The following F11 variants were observed in gnomAD, a reference collection of about 807,000 sequenced individuals.
F11 encodes the protein coagualtion factor XI.
F11 carries 78 observed loss-of-function variants against 76.5 expected under a neutral mutation model. That is an observed-to-expected ratio of 1.02 (90% CI 0.85 to 1.23). The LOEUF is 1.23. Ranked by LOEUF, F11 falls within the 50% of genes most tolerant of loss-of-function variation. The pLI, the probability that F11 is intolerant of heterozygous loss-of-function variation, is 0.00. For synonymous variants in F11, 278 were observed against 276.3 expected (o/e 1.01, Z -0.06); for missense variants, 742 against 771.4 (o/e 0.96, Z 0.45).
At chr4:186,276,887 C>T (rs1475718551) in intron 7 of F11, among the ~76,000 whole-genome samples, 1 of 152,022 alleles carries the variant, frequency 6.6e-6, no homozygotes, top group African/African-American at 2.4e-5. Context: ...CCGTGCCCGG[C>T]CAGTAAATTT....
intron 2 of F11, among the ~76,000 whole-genome samples, chr4:186,269,044 C>T (rs1024132911): frequency 6.6e-6 from 1 of 152,052 alleles, no homozygotes; most frequent in African/African-American, 2.4e-5. Flanking sequence ...TAGGAAAATT[C>T]TGAGGAAAAA....
In F11 at chr4:186,289,255, C is replaced by T. The variant is rs1292714211; in HGVS notation, c.*641C>T. On this transcript the variant is annotated 3_prime_UTR_variant, in exon 15 of 15. Coordinates refer to ENST00000403665, the MANE Select transcript of F11 (RefSeq NM_000128.4). The stretch of plus-strand genomic sequence containing the variant: ...GAAGAGGATTACAAGCAGCAATTTA[C>T]CTGGAAGTGATACCTTAGGGGCAAT... 2.0e-5 allele frequency among the ~76,000 whole-genome samples: 3 copies of T among 152,104 alleles called. No individual in the cohort carries two copies. The highest frequency in any genetic ancestry group is 4.4e-5 in the Non-Finnish European group (3 of 68,026).
At chr4:186,289,682 A>ATTTTTT (rs11444909), downstream of F11, among the ~76,000 whole-genome samples, 1 of 137,740 alleles carries the variant, frequency 7.3e-6, no homozygotes, top group Non-Finnish European at 1.6e-5. Context: ...ATCAAGTGTG[A>ATTTTTT]TTTTTTTTTT....
chr4:186,275,649 C>T, intron 5 of F11, 138 bp from the exon 6 acceptor site: 1 of 693,120 alleles, frequency 1.4e-6, no homozygotes, highest in Admixed American at 2.0e-5. Flanking sequence ...TGGGACCATG[C>T]CCAGCCATTC....
At chr4:186,287,908 T>G in intron 14 of F11, 85 bp downstream of exon 14, 1 of 1,530,152 alleles carries the variant, frequency 6.5e-7, no homozygotes, top group Non-Finnish European at 9.0e-7. Context: ...TTGTTTTTTT[T>G]GTTTGTTTTT....
intron 10 of F11, chr4:186,281,873 A>C (rs1271400732): frequency 8.2e-7 from 1 of 1,218,244 alleles, no homozygotes. Context: ...GTTTTGTAGA[A>C]CATAAAGACG....
At chr4:186,285,487 G>T in intron 11 of F11, 151 bp from the exon 12 acceptor site, 2 of 793,108 alleles carry the variant, frequency 2.5e-6, no homozygotes, top group East Asian at 2.7e-5. Context: ...TTTTTATCCC[G>T]AAAAATCTTA....
intron 5 of F11, chr4:186,274,488 T>C (rs1288647260): frequency 4.9e-6 from 3 of 609,374 alleles, no homozygotes; most frequent in Non-Finnish European, 8.5e-6. Flanking sequence ...TTAATAACAC[T>C]GTCAGAAAAA....
chr4:186,287,036 C>T (rs758372162), intron 13 of F11, among the ~76,000 whole-genome samples: 11 of 151,960 alleles, frequency 7.2e-5, no homozygotes, highest in Admixed American at 2.0e-4. Context: ...TGCAGTGGCA[C>T]GATCTCGGCT....
intron 10 of F11, among the ~76,000 whole-genome samples, chr4:186,281,564 T>C (rs1267437237): frequency 2.0e-5 from 3 of 152,186 alleles, no homozygotes; most frequent in Admixed American, 2.0e-4. Context: ...GCAAACAGAA[T>C]TGTTCTAAGG....
At position 186,276,224 on chromosome 4, in the gene F11, C is replaced by T. The variant is rs750293726; in HGVS notation, c.596-7C>T. 4 of 1,613,956 alleles carry T rather than the reference C, an allele frequency of 2.5e-6. No homozygotes were observed. Among genetic ancestry groups the T allele is most frequent in the African/African-American group, 1.3e-5 (1 of 74,898 alleles). On this transcript the variant is annotated splice_polypyrimidine_tract_variant and splice_region_variant and intron_variant, in intron 6 of 14. Coordinates refer to ENST00000403665, the MANE Select transcript of F11 (RefSeq NM_000128.4). ...TGAGTCCCTGACATAGTTCTTCCGT[C>T]GCGCAGCTTGTATTAGGGACATTTT...
At chr4:186,289,774 C>T (rs1741458018), downstream of F11, among the ~76,000 whole-genome samples, 1 of 149,986 alleles carries the variant, frequency 6.7e-6, no homozygotes, top group East Asian at 2.0e-4. Context: ...ACTCTACCTC[C>T]TGGATTCAAG....
intron 10 of F11, among the ~76,000 whole-genome samples, chr4:186,283,370 A>G (rs1311355483): frequency 6.6e-6 from 1 of 152,120 alleles, no homozygotes; most frequent in African/African-American, 2.4e-5. Flanking sequence ...GTAAGTAGAA[A>G]TAGAGGGCAC....
Position 186,286,450 on chromosome 4 carries a change from G to A in F11, c.1516G>A (p.Asp506Asn). 6.2e-7 allele frequency: 1 copy of A among 1,614,036 alleles called. No individual in the cohort carries two copies. Among genetic ancestry groups the A allele is most frequent in the Non-Finnish European group, 8.5e-7 (1 of 1,179,964 alleles). Residue 506 changes from aspartate to asparagine, a missense_variant, in exon 13 of 15, where the codon GAT (aspartate) becomes AAT (asparagine). By Grantham distance (23) the Asp-to-Asn change is conservative. Transcript: ENST00000403665. ...QRPICLPSKG[D>N]RNVIYTDCWV... is the part of the protein sequence containing the mutation. ...ACCCATATGCCTGCCTTCCAAAGGA[G>A]ATAGAAATGTAATATACACTGATTG...
intron 2 of F11, among the ~76,000 whole-genome samples, chr4:186,270,217 A>C (rs1385716886): frequency 3.9e-5 from 6 of 152,212 alleles, no homozygotes; most frequent in Non-Finnish European, 1.5e-5. Context: ...TCAATATACA[A>C]CAGCAAGCAC....
At chr4:186,280,974 C>G (rs975521991) in intron 10 of F11, among the ~76,000 whole-genome samples, 1 of 151,470 alleles carries the variant, frequency 6.6e-6, no homozygotes, top group Non-Finnish European at 1.5e-5. Flanking sequence ...GAACAATCCT[C>G]CCACCTTAGC....
intron 6 of F11, 143 bp downstream of exon 6, chr4:186,276,039 G>A (rs575439746): frequency 1.1e-6 from 1 of 914,966 alleles, no homozygotes; most frequent in African/African-American, 1.7e-5. Context: ...ATTTCATCAT[G>A]TCCTATACAG....
At chr4:186,279,862 A>G (rs2126755552) in intron 7 of F11, 150 bp from the exon 8 acceptor site, 1 of 693,294 alleles carries the variant, frequency 1.4e-6, no homozygotes, top group Non-Finnish European at 2.5e-6. Context: ...TTATGGGTGT[A>G]ACTCCGTGGT....
chr4:186,273,107 A>G lies in F11; in HGVS notation c.255A>G (p.Thr85=), dbSNP rs1373165589. 1 of 1,614,034 alleles carries G rather than the reference A, an allele frequency of 6.2e-7. No homozygotes were observed. Among genetic ancestry groups the G allele is most frequent in the Non-Finnish European group, 8.5e-7 (1 of 1,179,908 alleles). The part of the protein sequence containing the change: ...TCVLKDSVTE[T]LPRVNRTAAI... ...TCCTGAAAGACAGTGTTACAGAAAC[A>G]CTGCCAAGAGTGAATAGGACAGCAG... The change falls in exon 4 of 15, where the codon ACA becomes ACG. Residue 85 remains threonine, a synonymous_variant. Coordinates refer to ENST00000403665, the MANE Select transcript of F11 (RefSeq NM_000128.4).
Sources: gnomAD v4.1 joint callset for allele counts (sites outside exome capture counted in the v4.1 genomes callset) on GRCh38, gnomAD v4.1.1 for gene constraint, MANE v1.5 for transcripts, NCBI Gene and HGNC (gene_info 2026-07-23, HGNC 2026-07-21) for gene names.